The following TBC1D8B variants were observed in gnomAD, a reference collection of about 807,000 sequenced individuals.
TBC1D8B encodes the protein RP11-321G1.1.
Under a neutral mutation model 82.9 loss-of-function variants are expected in TBC1D8B, and 75 were observed. The observed-to-expected ratio is 0.90, with a 90% confidence interval of 0.75 to 1.10. TBC1D8B has a LOEUF of 1.10. Ranked by LOEUF, TBC1D8B falls within the 50% of genes least tolerant of loss-of-function variation. The pLI is 0.00. For missense variants in TBC1D8B, 794 were observed against 796.9 expected, an observed-to-expected ratio of 1.00 and a Z score of 0.04; for synonymous variants, 276 against 276.8, an observed-to-expected ratio of 1.00 and a Z score of 0.03.
At chrX:106,815,604 G>A (rs1225586430) in intron 1 of TBC1D8B, 4 of 110,282 alleles carry the variant, frequency 3.6e-5, no homozygotes, top group African/African-American at 1.3e-4. Flanking sequence ...GTAGCTTGAT[G>A]GGGATGGCAT....
At chrX:106,841,204 T>C (rs757435737) in intron 10 of TBC1D8B, among the ~76,000 whole-genome samples, 1 of 111,995 alleles carries the variant, frequency 8.9e-6, no homozygotes, top group East Asian at 2.8e-4. Context: ...TTAAAGCATA[T>C]TCATTAAGAA....
intron 13 of TBC1D8B, 119 bp downstream of exon 13, chrX:106,853,769 A>G (rs1318795424): frequency 1.2e-5 from 9 of 755,508 alleles, no homozygotes; most frequent in Non-Finnish European, 1.7e-5. Flanking sequence ...ACAACTTAAA[A>G]TCCAACTTAA....
At chrX:106,813,644 C>G (rs937905612) in intron 1 of TBC1D8B, among the ~76,000 whole-genome samples, 1 of 111,670 alleles carries the variant, frequency 9.0e-6, no homozygotes, top group African/African-American at 3.3e-5. Context: ...CAATAAAGTG[C>G]CTTCATTTGA....
chrX:106,856,710 A>G (rs903619456), intron 14 of TBC1D8B, among the ~76,000 whole-genome samples: 2 of 111,600 alleles, frequency 1.8e-5, no homozygotes, highest in African/African-American at 6.5e-5. Flanking sequence ...TAGTTTGTCT[A>G]CTTTGAAATC....
chrX:106,865,479 G>A, intron 14 of TBC1D8B, 80 bp from the exon 15 acceptor site: 1 of 681,669 alleles, frequency 1.5e-6, no homozygotes, highest in Non-Finnish European at 2.1e-6. Context: ...AGCAGAGAGA[G>A]ACTCTAAGGT....
In TBC1D8B at chrX:106,866,824, A is replaced by G; in HGVS notation, c.2690A>G (p.Glu897Gly). 8.4e-7 allele frequency: 1 copy of G among 1,191,068 alleles called. No homozygotes were observed. The highest frequency in any genetic ancestry group is 1.1e-6 in the Non-Finnish European group (1 of 883,818). Residue 897 changes from glutamate to glycine, a missense_variant, in exon 17 of 21, where the codon GAG becomes GGG. Physicochemically the swap from Glu to Gly is moderately conservative, Grantham distance 98 (BLOSUM62 -2). Coordinates refer to ENST00000357242, the MANE Select transcript of TBC1D8B (RefSeq NM_017752.3). ...IDIMYNGSFTEKLKLLFKLHI... is the reference protein window; with the variant it reads ...IDIMYNGSFTGKLKLLFKLHI... The stretch of plus-strand genomic sequence containing the variant: ...ATAATGTACAATGGAAGTTTTACTG[A>G]GAAGCTTAAGCTGCTTTTTAAGCTA...
chrX:106,873,886 T>C lies in TBC1D8B; in HGVS notation c.3284T>C (p.Phe1095Ser), dbSNP rs766925538. 2 of 1,210,247 alleles carry C rather than the reference T, an allele frequency of 1.7e-6. No homozygotes were observed. Among genetic ancestry groups the C allele is most frequent in the Non-Finnish European group, 2.2e-6 (2 of 895,077 alleles). ...TTGAATGAACCAGCATTGGTGAGGT[T>C]TTTTGAGAAACCCATAGATGTAAAA... ...SLLNEPALVRFFEKPIDVKAK... is the reference protein window; with the variant it reads ...SLLNEPALVRSFEKPIDVKAK... Residue 1095 changes from phenylalanine to serine, a missense_variant, in exon 21 of 21, where the codon TTT (phenylalanine) becomes TCT (serine). Coordinates refer to ENST00000357242, the MANE Select transcript of TBC1D8B (RefSeq NM_017752.3).
intron 10 of TBC1D8B, among the ~76,000 whole-genome samples, chrX:106,844,416 G>T (rs1185171450): frequency 4.7e-5 from 5 of 106,863 alleles, no homozygotes; most frequent in Admixed American, 3.1e-4. Flanking sequence ...TATCATGAAG[G>T]AGTATTGATT....
chrX:106,845,233 C>G (rs764548105), intron 10 of TBC1D8B, among the ~76,000 whole-genome samples: 25 of 109,204 alleles, frequency 2.3e-4, no homozygotes, highest in African/African-American at 8.0e-4. Flanking sequence ...TGTTTTTTAT[C>G]CTTTTTGTCT....
Position 106,874,040 on chromosome X carries a change from G to T in TBC1D8B, c.*75G>T. The T allele has an allele frequency of 9.5e-7, 1 of 1,050,382 alleles. No individual in the cohort carries two copies. Among genetic ancestry groups the T allele is most frequent in the East Asian group, 3.1e-5 (1 of 32,239 alleles). The allele number at this position is 1,050,382 out of a possible 1,213,427, so 86.6% of individuals were successfully genotyped here. Reference sequence around the variant, plus strand: ...TGTCAGTTTGATTCCTGTGAGTAGGGCTCAGGGATTTATCTTGTTACCAAT... The same window carrying T: ...TGTCAGTTTGATTCCTGTGAGTAGGTCTCAGGGATTTATCTTGTTACCAAT... On this transcript the variant is annotated 3_prime_UTR_variant, in exon 21 of 21. Coordinates refer to ENST00000357242, the MANE Select transcript of TBC1D8B (RefSeq NM_017752.3).
chrX:106,807,450 T>G, intron 1 of TBC1D8B, among the ~76,000 whole-genome samples: 1 of 98,706 alleles, frequency 1.0e-5, no homozygotes. Flanking sequence ...AGTGTTACCC[T>G]CACCTTTTTT....
chrX:106,855,929 A>C (rs1438711479), intron 14 of TBC1D8B, among the ~76,000 whole-genome samples: 1 of 111,618 alleles, frequency 9.0e-6, no homozygotes, highest in East Asian at 2.8e-4. Context: ...CCAGCTACTC[A>C]GGAAGCTGCG....
intron 10 of TBC1D8B, among the ~76,000 whole-genome samples, chrX:106,847,041 T>C (rs1019507639): frequency 1.8e-5 from 2 of 112,226 alleles, no homozygotes; most frequent in African/African-American, 6.5e-5. Flanking sequence ...AGGAATTTAA[T>C]TTGGCAATAA....
At chrX:106,855,086 A>G (rs1932671017) in intron 14 of TBC1D8B, among the ~76,000 whole-genome samples, 1 of 111,922 alleles carries the variant, frequency 8.9e-6, no homozygotes, top group Non-Finnish European at 1.9e-5. Context: ...TGCTGTTTAT[A>G]TTCTTCTGTA....
At chrX:106,839,217 G>A (rs905801498) in intron 7 of TBC1D8B, 91 bp from the exon 8 acceptor site, 1 of 927,789 alleles carries the variant, frequency 1.1e-6, no homozygotes, top group Admixed American at 3.5e-5. Flanking sequence ...TATACAGATT[G>A]TGGCTTATAA....
At chrX:106,822,414 C>T (rs751134735) in intron 4 of TBC1D8B, among the ~76,000 whole-genome samples, 20 of 111,541 alleles carry the variant, frequency 1.8e-4, no homozygotes, top group African/African-American at 6.5e-4. Flanking sequence ...CCTTGCATAT[C>T]GTGGGAAGTG....
chrX:106,875,951 T>A lies in TBC1D8B; in HGVS notation c.*1986T>A, dbSNP rs773946819. On this transcript the variant is annotated 3_prime_UTR_variant, in exon 21 of 21. Coordinates refer to ENST00000357242, the MANE Select transcript of TBC1D8B (RefSeq NM_017752.3). ...AAAAAGAAAACATTTATTTTCTGAG[T>A]CTGCAGGAGAAACAAACTAAACATT... 8.9e-6 allele frequency: 1 copy of A among 112,034 alleles called. No homozygotes were observed. The highest frequency in any genetic ancestry group is 1.9e-5 in the Non-Finnish European group (1 of 53,134). 9.2% of individuals were successfully genotyped at this position (112,034 alleles called of 1,213,427 possible).
intron 7 of TBC1D8B, among the ~76,000 whole-genome samples, chrX:106,833,563 C>G (rs1932094857): frequency 8.9e-6 from 1 of 111,998 alleles, no homozygotes; most frequent in Admixed American, 9.5e-5. Context: ...AAACTACCAT[C>G]TTTGAAGGTA....
chrX:106,848,583 G>A (rs1433879261), intron 11 of TBC1D8B, among the ~76,000 whole-genome samples: 3 of 111,380 alleles, frequency 2.7e-5, no homozygotes, highest in Admixed American at 9.6e-5. Context: ...GAAGCATTAA[G>A]TTTATAAACT....
Sources: allele counts gnomAD v4.1 joint callset (sites outside exome capture counted in the v4.1 genomes callset), GRCh38; gene constraint gnomAD v4.1.1; transcripts MANE v1.5; gene names NCBI Gene and HGNC (gene_info 2026-07-23, HGNC 2026-07-21).